CSPG4: variants seen among roughly 807,000 people sequenced by gnomAD.
The protein encoded by CSPG4 is chondroitin sulfate proteoglycan 4 (melanoma-associated).
Under a neutral mutation model 139.3 loss-of-function variants are expected in CSPG4, and 74 were observed. The ratio of observed to expected loss-of-function variants is 0.53; its 90% CI spans 0.44 to 0.64. CSPG4 has a LOEUF of 0.64. Among genes scored for constraint, CSPG4 ranks in the 30% least tolerant of loss-of-function variants. CSPG4 has a pLI of 0.00. For synonymous variants in CSPG4, 1,234 were observed against 1,394.2 expected, an observed-to-expected ratio of 0.89 and a Z score of 2.56; for missense variants, 2,565 against 3,148.3, an observed-to-expected ratio of 0.81 and a Z score of 4.43.
Position 75,682,629 on chromosome 15 carries a change from G to A in CSPG4, c.4761C>T (p.Ser1587=). The A allele has an allele frequency of 6.2e-7, 1 of 1,613,116 alleles. No individual in the cohort carries two copies. The highest frequency in any genetic ancestry group is 8.5e-7 in the Non-Finnish European group (1 of 1,180,006). The change falls in exon 7 of 10, where the codon AGC becomes AGT. Residue 1587 remains serine, a synonymous_variant. Coordinates refer to ENST00000308508, the MANE Select transcript of CSPG4 (RefSeq NM_001897.5). ...CACCTGGGCAGACAGTCAGTGTCTGGCTGCCCTTCAGCGAGAGGAGCACTT... is the reference window on the plus strand; with the variant it reads ...CACCTGGGCAGACAGTCAGTGTCTGACTGCCCTTCAGCGAGAGGAGCACTT... ...QKQVLLSLKG[S]QTLTVCPGSV... is the part of the protein sequence containing the mutation.
Position 75,690,300 on chromosome 15 carries a change from T to A in CSPG4, c.765A>T (p.Ile255=), listed in dbSNP as rs1440408009. ...GRRGDFIYVD[I]FEGHLRAVVE... is the part of the protein sequence containing the mutation. ...CCACGGCCCGCAGGTGGCCCTCAAA[T>A]ATGTCCACATAGATGAAGTCCCCAC... The change falls in exon 3 of 10, where the codon ATA becomes ATT. Residue 255 remains isoleucine, a synonymous_variant. Coordinates refer to ENST00000308508, the MANE Select transcript of CSPG4 (RefSeq NM_001897.5). 5.6e-6 allele frequency: 9 copies of A among 1,612,874 alleles called. No homozygotes were observed. Among genetic ancestry groups the A allele is most frequent in the African/African-American group, 1.3e-5 (1 of 74,926 alleles).
At chr15:75,700,022 GC>G (rs1894280790) in intron 1 of CSPG4, among the ~76,000 whole-genome samples, 1 of 152,168 alleles carries the variant, frequency 6.6e-6, no homozygotes, top group Admixed American at 6.5e-5. Context: ...GGCCTGCACA[GC>G]CCCCCAGCCC....
At chr15:75,700,459 C>G (rs1894286685) in intron 1 of CSPG4, among the ~76,000 whole-genome samples, 1 of 152,144 alleles carries the variant, frequency 6.6e-6, no homozygotes, top group African/African-American at 2.4e-5. Flanking sequence ...CTCTGTGGCT[C>G]TGGGGCTGGC....
chr15:75,683,811 C>A (rs906797620), intron 5 of CSPG4, among the ~76,000 whole-genome samples: 1 of 152,222 alleles, frequency 6.6e-6, no homozygotes, highest in Non-Finnish European at 1.5e-5. Flanking sequence ...CCCCAGGGAG[C>A]CCTCAGGCCC....
In CSPG4 at chr15:75,689,229, C is replaced by T. The variant is rs767040995; in HGVS notation, c.1836G>A (p.Pro612=). 6.2e-6 allele frequency: 10 copies of T among 1,609,852 alleles called. No individual in the cohort carries two copies. Among genetic ancestry groups the T allele is most frequent in the South Asian group, 2.2e-5 (2 of 90,920 alleles). Residue 612 remains proline (P), a synonymous_variant, in exon 3 of 10, where the codon CCG becomes CCA. Coordinates refer to ENST00000308508, the MANE Select transcript of CSPG4 (RefSeq NM_001897.5). ...PVERRDQPGE[P]ATEFSCRELE... ...ACTCCCGGCAGGAGAACTCGGTCGCCGGCTCCCCAGGCTGGTCTCGGCGCT... is the reference window on the plus strand; with the variant it reads ...ACTCCCGGCAGGAGAACTCGGTCGCTGGCTCCCCAGGCTGGTCTCGGCGCT...
chr15:75,708,002 G>A (rs1295616494), intron 1 of CSPG4, among the ~76,000 whole-genome samples: 2 of 151,078 alleles, frequency 1.3e-5, no homozygotes, highest in Non-Finnish European at 3.0e-5. Flanking sequence ...GACTCACTGT[G>A]TGACTCTGAA....
intron 1 of CSPG4, among the ~76,000 whole-genome samples, chr15:75,701,075 G>A (rs1004256853): frequency 4.6e-5 from 7 of 152,144 alleles, no homozygotes; most frequent in African/African-American, 1.4e-4. Flanking sequence ...CTGGATAGAG[G>A]GACTGACACA....
intron 3 of CSPG4, among the ~76,000 whole-genome samples, chr15:75,686,674 C>G (rs1894063942): frequency 6.6e-6 from 1 of 152,222 alleles, no homozygotes; most frequent in Non-Finnish European, 1.5e-5. Context: ...GCTGTCGGCC[C>G]CAAGCTCCAG....
In CSPG4 at chr15:75,698,601, C is replaced by T. The variant is rs1006247475; in HGVS notation, c.89-5368G>A. 1.2e-4 allele frequency among the ~76,000 whole-genome samples: 18 copies of T among 152,036 alleles called. No individual in the cohort carries two copies. The highest frequency in any genetic ancestry group is 4.1e-4 in the African/African-American group (17 of 41,378). On this transcript the variant is annotated intron_variant, in intron 1 of 9. Transcript: ENST00000308508. This position sits in a 1 kb window ranked among gnomAD's most constrained non-coding sequence, Gnocchi z 4.3. ...CACACGTGTGTGGCGGCAAGGCAGG[C>T]GAGGAAGGGGTGCGCTGGGTCCCTG...
chr15:75,709,266 C>G (rs1159391606), intron 1 of CSPG4, among the ~76,000 whole-genome samples: 1 of 152,172 alleles, frequency 6.6e-6, no homozygotes, highest in African/African-American at 2.4e-5. Flanking sequence ...GGAGGAAGAG[C>G]CTTAACTCTG....
chr15:75,685,194 C>T (rs189244682), intron 4 of CSPG4, 25 bp downstream of exon 4: 2 of 1,510,912 alleles, frequency 1.3e-6, no homozygotes, highest in Admixed American at 2.3e-5. Context: ...GGGCTGCAGC[C>T]CCTGGGCCTC....
intron 1 of CSPG4, among the ~76,000 whole-genome samples, chr15:75,703,955 C>A (rs201618032): frequency 2.1e-5 from 1 of 47,044 alleles, no homozygotes; most frequent in East Asian, 4.1e-4. Context: ...TTTGGCAGGG[C>A]GGGGCTGGGG....
At chr15:75,703,441 G>A (rs1420777493) in intron 1 of CSPG4, among the ~76,000 whole-genome samples, 4,166 of 150,916 alleles carry the variant, frequency 0.028, no homozygotes, top group African/African-American at 0.096. Context: ...GTCAGAGTCC[G>A]GGTGGAGCCG....
intron 3 of CSPG4, among the ~76,000 whole-genome samples, chr15:75,686,376 C>T (rs1275666139): frequency 6.6e-6 from 1 of 152,234 alleles, no homozygotes; most frequent in Non-Finnish European, 1.5e-5. Context: ...CCAGGACCAT[C>T]AGAGGGCGCC....
At chr15:75,711,169 T>G (rs1894442410) in intron 1 of CSPG4, among the ~76,000 whole-genome samples, 2 of 150,372 alleles carry the variant, frequency 1.3e-5, no homozygotes, top group South Asian at 4.2e-4. Context: ...AGGCCCACCC[T>G]GTGTCCTGCC....
rs376630967 is a variant in CSPG4, at chr15:75,684,233, G to A, written c.4449+503C>T. Among the ~76,000 whole-genome samples, 61 of 152,344 alleles carry A rather than the reference G, an allele frequency of 4.0e-4. 1 individual carries two copies. Among genetic ancestry groups the A allele is most frequent in the African/African-American group, 1.4e-3 (60 of 41,568 alleles). Reference sequence around the variant, plus strand: ...CATGGAGAAGTTCCATCCCACGTCTGGGCCTCAACTTCCACCTGCAGAGTG... The same window carrying A: ...CATGGAGAAGTTCCATCCCACGTCTAGGCCTCAACTTCCACCTGCAGAGTG... On this transcript the variant is annotated intron_variant, in intron 5 of 9. Transcript: ENST00000308508.
intron 1 of CSPG4, among the ~76,000 whole-genome samples, chr15:75,700,475 C>G (rs181733817): frequency 6.6e-6 from 1 of 152,132 alleles, no homozygotes; most frequent in Admixed American, 6.5e-5. Flanking sequence ...CTGGCCGAAT[C>G]GGGAGGGCCC....
chr15:75,683,898 G>A (rs975386666), intron 5 of CSPG4, among the ~76,000 whole-genome samples: 2 of 152,206 alleles, frequency 1.3e-5, no homozygotes, highest in African/African-American at 4.8e-5. Flanking sequence ...CAGGTAGATG[G>A]CACCACCTGG....
At chr15:75,705,922 T>A (rs1205262196) in intron 1 of CSPG4, among the ~76,000 whole-genome samples, 1 of 152,072 alleles carries the variant, frequency 6.6e-6, no homozygotes, top group African/African-American at 2.4e-5. Context: ...TGTGTGTGCG[T>A]ATGTGTGTCT....
Sources: allele counts gnomAD v4.1 joint callset (sites outside exome capture counted in the v4.1 genomes callset), GRCh38; gene constraint gnomAD v4.1.1; non-coding constraint Gnocchi (gnomAD v3.1); transcripts MANE v1.5; gene names NCBI Gene and HGNC (gene_info 2026-07-23, HGNC 2026-07-21).